The following ZBTB20 variants were observed in gnomAD, a reference collection of about 807,000 sequenced individuals.
ZBTB20 encodes the protein zinc finger and BTB domain containing 20.
In ZBTB20, 9 loss-of-function variants were observed where a neutral mutation model predicts 56.9. The ratio of observed to expected loss-of-function variants is 0.16; its 90% confidence interval spans 0.10 to 0.28. The LOEUF (loss-of-function observed/expected upper bound fraction) is 0.28, where lower values mean the gene tolerates loss of function less well. Among genes scored for constraint, ZBTB20 ranks in the 10% least tolerant of loss-of-function variants. ZBTB20 has a pLI of 1.00. For missense variants in ZBTB20, 655 were observed against 1,003.0 expected, an observed-to-expected ratio of 0.65 and a Z score of 4.69; for synonymous variants, 417 against 420.7, an observed-to-expected ratio of 0.99 and a Z score of 0.11.
chr3:114,355,339 C>T (rs773107709), intron 10 of ZBTB20, among the ~76,000 whole-genome samples: 8 of 152,122 alleles, frequency 5.3e-5, no homozygotes, highest in African/African-American at 1.2e-4. Context: ...AACCTGCACA[C>T]GTACACAACC....
chr3:114,895,886 G>C (rs1306519337), intron 4 of ZBTB20, among the ~76,000 whole-genome samples: 4 of 152,130 alleles, frequency 2.6e-5, no homozygotes, highest in Non-Finnish European at 5.9e-5. Context: ...CAACCTCGAT[G>C]AGGTCGCACA....
intron 2 of ZBTB20, among the ~76,000 whole-genome samples, chr3:115,062,896 G>T (rs897004437): frequency 2.6e-5 from 4 of 152,012 alleles, no homozygotes; most frequent in African/African-American, 9.7e-5. Flanking sequence ...TAGAATGAAG[G>T]GAAACTATTC....
chr3:114,910,685 T>A lies in ZBTB20; in HGVS notation c.-455-10343A>T, dbSNP rs565669027. 2.6e-5 allele frequency among the ~76,000 whole-genome samples: 4 copies of A among 152,140 alleles called. No individual in the cohort carries two copies. The East Asian group carries it at 7.7e-4, about 29-fold the overall frequency. On this transcript the variant is annotated intron_variant, in intron 3 of 11. Coordinates refer to ENST00000675478, the MANE Select transcript of ZBTB20 (RefSeq NM_001348800.3). The stretch of plus-strand genomic sequence containing the variant: ...TTTATTTTCATTATTATCACAATTG[T>A]ATAAATAAAATGATGCTCAAAAAAA...
chr3:115,098,301 G>A (rs1268005590), intron 1 of ZBTB20, among the ~76,000 whole-genome samples: 1 of 152,128 alleles, frequency 6.6e-6, no homozygotes, highest in Non-Finnish European at 1.5e-5. Context: ...GATAAAAACA[G>A]TAGAATTTTA....
chr3:114,930,565 A>T (rs1257817187), intron 3 of ZBTB20: 2 of 157,460 alleles, frequency 1.3e-5, no homozygotes, highest in Non-Finnish European at 2.8e-5. Context: ...CTGAGCAAAG[A>T]CGCCAAGGCA....
intron 6 of ZBTB20, among the ~76,000 whole-genome samples, chr3:114,512,434 G>A (rs934853515): frequency 5.3e-5 from 8 of 152,084 alleles, no homozygotes; most frequent in African/African-American, 1.9e-4. Context: ...TCTAATGTAT[G>A]TTTTGGAGAG....
intron 7 of ZBTB20, among the ~76,000 whole-genome samples, chr3:114,436,942 G>A (rs978340750): frequency 6.6e-6 from 1 of 152,132 alleles, no homozygotes; most frequent in Non-Finnish European, 1.5e-5. Flanking sequence ...TGCTAAAAAA[G>A]GTTTTCCAGC....
At chr3:114,670,198 G>A (rs1418739342) in intron 6 of ZBTB20, among the ~76,000 whole-genome samples, 5 of 152,014 alleles carry the variant, frequency 3.3e-5, no homozygotes, top group Non-Finnish European at 5.9e-5. Flanking sequence ...ACCCTCTTGT[G>A]TTTGAATTCT....
chr3:114,965,829 C>T (rs921223140), intron 3 of ZBTB20, among the ~76,000 whole-genome samples: 13 of 151,950 alleles, frequency 8.6e-5, no homozygotes, highest in African/African-American at 3.1e-4. Flanking sequence ...CTATTCAGGT[C>T]CTTTGCCTAT....
At chr3:114,448,259 G>T (rs953353464) in intron 7 of ZBTB20, among the ~76,000 whole-genome samples, 1 of 151,114 alleles carries the variant, frequency 6.6e-6, no homozygotes, top group Non-Finnish European at 1.5e-5. Context: ...AGCCAAAAAA[G>T]TCACAAACAA....
intron 7 of ZBTB20, among the ~76,000 whole-genome samples, chr3:114,440,373 C>G (rs760451998): frequency 6.6e-5 from 10 of 152,106 alleles, no homozygotes; most frequent in African/African-American, 2.4e-4. Context: ...CCCACATCTG[C>G]TCTTACATGA....
chr3:114,370,914 C>A (rs1282309570), intron 10 of ZBTB20, among the ~76,000 whole-genome samples: 1 of 152,190 alleles, frequency 6.6e-6, no homozygotes, highest in Non-Finnish European at 1.5e-5. Context: ...TAACACTCAG[C>A]TCCCAGAGCT....
intron 1 of ZBTB20, among the ~76,000 whole-genome samples, chr3:115,120,299 G>A (rs944088144): frequency 5.9e-5 from 9 of 151,906 alleles, no homozygotes; most frequent in Admixed American, 2.6e-4. Flanking sequence ...GAAAATCTCC[G>A]TATCTTATGC....
At chr3:114,969,992 T>C (rs1413239159) in intron 3 of ZBTB20, among the ~76,000 whole-genome samples, 1 of 152,246 alleles carries the variant, frequency 6.6e-6, no homozygotes, top group Non-Finnish European at 1.5e-5. Flanking sequence ...AAAAGCATTA[T>C]CTTTCTTGTA....
chr3:114,329,905 C>T lies in ZBTB20; in HGVS notation c.*9100G>A, dbSNP rs1172805167. 1 of 152,158 alleles carries T rather than the reference C, an allele frequency of 6.6e-6. No individual in the cohort carries two copies. Among genetic ancestry groups the T allele is most frequent in the African/African-American group, 2.4e-5 (1 of 41,440 alleles). The allele number at this position is 152,158 out of a possible 1,614,324, so 9.4% of individuals were successfully genotyped here. ...CAACTAGGTAATTCACTGTCTTACG[C>T]TTTTCAGAAGACTGGCCCTTTGAAA... is the stretch of plus-strand genomic sequence containing the variant. On this transcript the variant is annotated 3_prime_UTR_variant, in exon 12 of 12. Transcript: ENST00000675478.
At chr3:114,481,040 T>C in intron 7 of ZBTB20, among the ~76,000 whole-genome samples, 1 of 152,130 alleles carries the variant, frequency 6.6e-6, no homozygotes, top group South Asian at 2.1e-4. Context: ...CAAAATACAG[T>C]ATTCTGAGGA....
chr3:114,331,504 G>A lies in ZBTB20; in HGVS notation c.*7501C>T, dbSNP rs1009944327. On this transcript the variant is annotated 3_prime_UTR_variant, in exon 12 of 12. Coordinates refer to ENST00000675478, the MANE Select transcript of ZBTB20 (RefSeq NM_001348800.3). ...GGAAGAGGCAACTGTATCTATGCAC[G>A]AGGACCTCTGCCTGTGTGTGCTTCC... The A allele has an allele frequency of 2.6e-5, 4 of 152,194 alleles. No individual in the cohort carries two copies. Among genetic ancestry groups the A allele is most frequent in the African/African-American group, 7.2e-5 (3 of 41,442 alleles). 9.4% of individuals were successfully genotyped at this position (152,194 alleles called of 1,614,324 possible).
At chr3:114,443,262 C>A (rs954292218) in intron 7 of ZBTB20, among the ~76,000 whole-genome samples, 7 of 152,168 alleles carry the variant, frequency 4.6e-5, no homozygotes, top group Non-Finnish European at 1.0e-4. Flanking sequence ...AATTCGATAT[C>A]TTGACCTGCT....
intron 4 of ZBTB20, among the ~76,000 whole-genome samples, chr3:114,869,536 G>T (rs1034310871): frequency 2.6e-5 from 4 of 151,970 alleles, no homozygotes; most frequent in Admixed American, 2.0e-4. Flanking sequence ...TCTACCATAG[G>T]AAAAAATTCA....
Sources: allele counts gnomAD v4.1 joint callset (sites outside exome capture counted in the v4.1 genomes callset), GRCh38; gene constraint gnomAD v4.1.1; transcripts MANE v1.5; gene names NCBI Gene and HGNC (gene_info 2026-07-23, HGNC 2026-07-21).